Variants in NT5M observed in about 807,000 individuals in gnomAD.
NT5M encodes the protein 5'(3')-deoxyribonucleotidase, mitochondrial.
In NT5M, 22 loss-of-function variants were observed where a neutral mutation model predicts 22.2. That is an observed-to-expected ratio of 0.99 (90% CI 0.71 to 1.41). The LOEUF is 1.41. Among genes scored for constraint, NT5M ranks in the 40% most tolerant of loss-of-function variants. The probability of loss-of-function intolerance (pLI) is 0.00; values close to 1 mark genes in which losing one functional copy is unlikely to be tolerated. For synonymous variants in NT5M, 167 were observed against 133.0 expected, an observed-to-expected ratio of 1.26 and a Z score of -1.76; for missense variants, 322 against 314.8, an observed-to-expected ratio of 1.02 and a Z score of -0.17.
chr17:17,305,164 C>G (rs1317324087), intron 1 of NT5M, among the ~76,000 whole-genome samples: 1 of 152,098 alleles, frequency 6.6e-6, no homozygotes, highest in African/African-American at 2.4e-5. Context: ...AAGCCCACCC[C>G]CAACTCCGAA....
At chr17:17,304,261 G>C (rs1446580756) in intron 1 of NT5M, 1 of 277,212 alleles carries the variant, frequency 3.6e-6, no homozygotes, top group Non-Finnish European at 5.5e-6. Context: ...TAGCTTCCAG[G>C]GGTATTTGAG....
At chr17:17,314,907 C>T (rs369588570) in intron 2 of NT5M, among the ~76,000 whole-genome samples, 3 of 152,292 alleles carry the variant, frequency 2.0e-5, no homozygotes, top group Non-Finnish European at 2.9e-5. Flanking sequence ...CTGCCCTCCC[C>T]TCCTGGTCGT....
chr17:17,333,411 C>T (rs1019213072), intron 3 of NT5M: 1 of 152,128 alleles, frequency 6.6e-6, no homozygotes, highest in Non-Finnish European at 1.5e-5. Context: ...TGAAGTGATC[C>T]TCCCACCTTA....
chr17:17,344,269 T>G (rs1368646918), intron 3 of NT5M, among the ~76,000 whole-genome samples: 1 of 152,196 alleles, frequency 6.6e-6, no homozygotes, highest in Non-Finnish European at 1.5e-5. Flanking sequence ...GCCTGTGGCT[T>G]CTTTGTAGGC....
At position 17,303,392 on chromosome 17, in the gene NT5M, C is replaced by A; in HGVS notation, c.-159C>A. On this transcript the variant is annotated 5_prime_UTR_variant, in exon 1 of 5. Transcript: ENST00000389022. The stretch of plus-strand genomic sequence containing the variant: ...GGCCTCGCTCTGGGGCCGGTACTTG[C>A]GCGCCCGCACCCCGCGCTCCCCGCC... 1.1e-6 allele frequency: 1 copy of A among 886,952 alleles called. No homozygotes were observed. The highest frequency in any genetic ancestry group is 1.4e-6 in the Non-Finnish European group (1 of 737,918). The allele number at this position is 886,952 out of a possible 1,614,324, so 54.9% of individuals were successfully genotyped here.
chr17:17,307,858 C>CA (rs111683820), intron 2 of NT5M, among the ~76,000 whole-genome samples: 1,877 of 140,930 alleles, frequency 0.013, 38 homozygotes, highest in African/African-American at 0.041. Context: ...ATTCTGCCTC[C>CA]AAAAAAAAAA....
chr17:17,340,065 T>C (rs903436840), intron 3 of NT5M, among the ~76,000 whole-genome samples: 1 of 152,212 alleles, frequency 6.6e-6, no homozygotes, highest in African/African-American at 2.4e-5. Context: ...TTGGTATTAG[T>C]TATTTAAGTG....
At chr17:17,324,571 A>G (rs1030907960) in intron 3 of NT5M, among the ~76,000 whole-genome samples, 3 of 151,678 alleles carry the variant, frequency 2.0e-5, no homozygotes, top group African/African-American at 7.3e-5. Context: ...TGGGAATCAC[A>G]CTTGCTGAAC....
intron 2 of NT5M, among the ~76,000 whole-genome samples, chr17:17,310,134 G>A (rs916283338): frequency 1.3e-5 from 2 of 151,976 alleles, no homozygotes; most frequent in Non-Finnish European, 2.9e-5. Flanking sequence ...TAACTTTTGT[G>A]TTTCTAAGGA....
intron 2 of NT5M, among the ~76,000 whole-genome samples, chr17:17,320,289 G>A (rs552480734): frequency 2.0e-5 from 3 of 152,162 alleles, no homozygotes; most frequent in Admixed American, 2.0e-4. Flanking sequence ...TGGCTTGGAG[G>A]GGTGAGAACT....
rs1314660005 is a variant in NT5M, at chr17:17,323,213, A to G, written c.397A>G (p.Ile133Val). 1.2e-6 allele frequency: 2 copies of G among 1,614,008 alleles called. No homozygotes were observed. Among genetic ancestry groups the G allele is most frequent in the Non-Finnish European group, 1.7e-6 (2 of 1,179,978 alleles). The change falls in exon 3 of 5, where the codon ATC becomes GTC. Residue 133 changes from isoleucine to valine, a missense_variant. Transcript: ENST00000389022. ...TGACGTCTTCATCTGCACAAGCCCC[A>G]TCAAGATGTTCAAGTACTGTCCCTA... ...NTDVFICTSP[I>V]KMFKYCPYEK...
chr17:17,347,054 G>T lies in NT5M; in HGVS notation c.*107G>T. 1 of 1,377,074 alleles carries T rather than the reference G, an allele frequency of 7.3e-7. No homozygotes were observed. Among genetic ancestry groups the T allele is most frequent in the Non-Finnish European group, 9.8e-7 (1 of 1,021,856 alleles). 85.3% of individuals were successfully genotyped at this position (1,377,074 alleles called of 1,614,324 possible). On this transcript the variant is annotated 3_prime_UTR_variant, in exon 5 of 5. Coordinates refer to ENST00000389022, the MANE Select transcript of NT5M (RefSeq NM_020201.4). ...CTGGGAGTCCCTCCTAGACTCCTGG[G>T]CCCCATGACCTCCTGCTGCATGTCC...
chr17:17,321,160 A>G (rs969267777), intron 2 of NT5M, among the ~76,000 whole-genome samples: 7 of 151,980 alleles, frequency 4.6e-5, no homozygotes, highest in African/African-American at 1.7e-4. Context: ...GCAAGCGGGC[A>G]TTCGGGAGGT....
intron 3 of NT5M, among the ~76,000 whole-genome samples, chr17:17,330,633 C>T (rs1029862638): frequency 5.9e-5 from 9 of 152,076 alleles, no homozygotes; most frequent in South Asian, 2.1e-4. Flanking sequence ...GCCTCAGCCC[C>T]GCAAAGTGCT....
chr17:17,342,669 T>C (rs1481233642), intron 3 of NT5M, among the ~76,000 whole-genome samples: 5 of 152,062 alleles, frequency 3.3e-5, no homozygotes, highest in Non-Finnish European at 5.9e-5. Flanking sequence ...GGAACATCAG[T>C]GTTTGTTTTT....
At position 17,303,540 on chromosome 17, in the gene NT5M, C is replaced by T. The variant is rs2048724829; in HGVS notation, c.-11C>T. 1 of 1,053,904 alleles carries T rather than the reference C, an allele frequency of 9.5e-7. No individual in the cohort carries two copies. The highest frequency in any genetic ancestry group is 4.4e-5 in the South Asian group (1 of 22,802). The allele number at this position is 1,053,904 out of a possible 1,614,324, so 65.3% of individuals were successfully genotyped here. A position where few individuals can be genotyped will look rare whatever the true frequency, so the allele number is the denominator to read the frequency against. On this transcript the variant is annotated 5_prime_UTR_variant, in exon 1 of 5. Coordinates refer to ENST00000389022, the MANE Select transcript of NT5M (RefSeq NM_020201.4). ...GGTCCCCGCGCCCACGACGGGCCAG[C>T]GCGCTGGGCCATGATCCGGCTGGGC...
At chr17:17,313,904 C>T (rs954608681) in intron 2 of NT5M, among the ~76,000 whole-genome samples, 1 of 152,212 alleles carries the variant, frequency 6.6e-6, no homozygotes, top group African/African-American at 2.4e-5. Flanking sequence ...CTTTGTGGCA[C>T]GTCCTGCCCT....
At chr17:17,326,065 T>C (rs2049260172) in intron 3 of NT5M, among the ~76,000 whole-genome samples, 1 of 152,212 alleles carries the variant, frequency 6.6e-6, no homozygotes, top group Non-Finnish European at 1.5e-5. Context: ...TCAGCGTTTG[T>C]TGTTAAATGA....
chr17:17,308,961 C>T (rs1355629889), intron 2 of NT5M, among the ~76,000 whole-genome samples: 1 of 152,098 alleles, frequency 6.6e-6, no homozygotes, highest in African/African-American at 2.4e-5. Context: ...GATATTCCAG[C>T]CATTGGATAT....
Sources: allele counts gnomAD v4.1 joint callset (sites outside exome capture counted in the v4.1 genomes callset), GRCh38; gene constraint gnomAD v4.1.1; transcripts MANE v1.5; gene names NCBI Gene and HGNC (gene_info 2026-07-23, HGNC 2026-07-21).